The following PKLR variants were observed in gnomAD, a reference collection of about 807,000 sequenced individuals.
PKLR encodes the protein pyruvate kinase PKLR.
PKLR carries 38 observed loss-of-function variants against 53.6 expected under a neutral mutation model. The observed-to-expected ratio is 0.71, with a 90% CI of 0.55 to 0.93. The LOEUF (loss-of-function observed/expected upper bound fraction) is 0.93. Ranked by LOEUF, PKLR falls within the 40% of genes least tolerant of loss-of-function variation. PKLR has a pLI of 0.00. For missense variants in PKLR, 702 were observed against 787.3 expected (o/e 0.89, Z 1.30); for synonymous variants, 328 against 316.2 (o/e 1.04, Z -0.39).
At chr1:155,308,508 A>G in the PKLR span, 3 of 961,068 alleles carry the variant, frequency 3.1e-6, no homozygotes, top group East Asian at 1.1e-4. Context: ...GCCTAAAGTT[A>G]GAGAACTAAT....
rs1208414404 is a variant in PKLR, at chr1:155,289,417, G to A, written c.*1155C>T. 6.6e-6 allele frequency: 1 copy of A among 152,236 alleles called. No homozygotes were observed. The highest frequency in any genetic ancestry group is 1.5e-5 in the Non-Finnish European group (1 of 68,056). The allele number at this position is 152,236 out of a possible 1,614,324, so 9.4% of individuals were successfully genotyped here. On this transcript the variant is annotated 3_prime_UTR_variant, in exon 11 of 11. Coordinates refer to ENST00000342741, the MANE Select transcript of PKLR (RefSeq NM_000298.6). ...TAAGGAGACAGGAGGAGTAGGAGGAGGCAGGGCCTCTCCATGCCAGCCTCT... is the reference window on the plus strand; with the variant it reads ...TAAGGAGACAGGAGGAGTAGGAGGAAGCAGGGCCTCTCCATGCCAGCCTCT...
intron 2 of PKLR, among the ~76,000 whole-genome samples, chr1:155,296,056 C>T (rs1463051793): frequency 3.3e-5 from 5 of 152,280 alleles, no homozygotes; most frequent in Admixed American, 1.3e-4. Context: ...GCTGCTTGCC[C>T]GGCTACCCCA....
Position 155,291,754 on chromosome 1 carries a change from AC to A in PKLR, c.1618+1del, listed in dbSNP as rs760145987. The A allele has an allele frequency of 2.5e-6, 4 of 1,613,442 alleles. No individual in the cohort carries two copies. The highest frequency in any genetic ancestry group is 3.4e-6 in the Non-Finnish European group (4 of 1,179,396). ...GTGGCAGGGAAGGTCTAGGTAGCTC[AC>A]CACTTTCAATGCCAAATTGCACCCG... On this transcript the variant is annotated splice_donor_variant, in intron 10 of 10. Coordinates refer to ENST00000342741, the MANE Select transcript of PKLR (RefSeq NM_000298.6). LOFTEE classifies it high-confidence loss of function.
chr1:155,299,167 CTCTT>C (rs907028518), intron 2 of PKLR, among the ~76,000 whole-genome samples: 5 of 138,626 alleles, frequency 3.6e-5, no homozygotes, highest in Non-Finnish European at 4.7e-5. Flanking sequence ...CTTTCTCTCT[CTCTT>C]TCTTTCTTTC....
rs1647551634 is a variant in PKLR at position 155,295,726 on chromosome 1, T to C, written c.314A>G (p.Lys105Arg). 1 of 1,614,080 alleles carries C rather than the reference T, an allele frequency of 6.2e-7. No individual in the cohort carries two copies. Among genetic ancestry groups the C allele is most frequent in the South Asian group, 1.1e-5 (1 of 91,086 alleles). Residue 105 changes from lysine to arginine, a missense_variant, in exon 3 of 11, where the codon AAG (lysine) becomes AGG (arginine). Lys to Arg is a conservative substitution (Grantham distance 26). Transcript: ENST00000342741. This position sits in a 1 kb window ranked among gnomAD's most constrained non-coding sequence, Gnocchi z 4.3. The part of the protein sequence containing the change: ...GPASRSVERL[K>R]EMIKAGMNIA... ...GTTCATCCCGGCCTTGATCATCTCC[T>C]TGAGGCGCTCCACGGAGCGAGATGC...
the PKLR span, among the ~76,000 whole-genome samples, chr1:155,308,055 C>CTTTTTT: frequency 1.6e-5 from 2 of 123,798 alleles, no homozygotes; most frequent in Admixed American, 1.6e-4. Context: ...TGAGACTCAT[C>CTTTTTT]TTTTTTTTTT....
rs185441545 is a variant in PKLR at position 155,300,141 on chromosome 1, G to C, written c.240C>G (p.Ser80=). ...LEHLCLLDID[S]EPVAARSTSI... ...TGGTACTGCGAGCAGCCACGGGCTC[G>C]GAGTCAATGTCCAGTAGGCAGAGGT... The change falls in exon 2 of 11, where the codon TCC becomes TCG. Residue 80 remains serine (S), a synonymous_variant. Transcript: ENST00000342741. The C allele has an allele frequency of 2.5e-6, 4 of 1,613,978 alleles. No individual in the cohort carries two copies. Among genetic ancestry groups the C allele is most frequent in the Non-Finnish European group, 3.4e-6 (4 of 1,180,024 alleles).
At chr1:155,306,586 GC>G in the PKLR span, among the ~76,000 whole-genome samples, 1 of 152,080 alleles carries the variant, frequency 6.6e-6, no homozygotes, top group Non-Finnish European at 1.5e-5. The surrounding 1 kb of genome is among the most constrained non-coding windows in gnomAD (Gnocchi z 4.2). Context: ...CAGACGAGGT[GC>G]CCCCTGGTCA....
the PKLR span, among the ~76,000 whole-genome samples, chr1:155,307,407 C>T: frequency 2.0e-5 from 3 of 152,292 alleles, no homozygotes; most frequent in East Asian, 5.8e-4. Context: ...AGGCTGAGAC[C>T]TACTGGACTG....
At chr1:155,303,010 G>A (rs1648114563), upstream of PKLR, among the ~76,000 whole-genome samples, 1 of 152,198 alleles carries the variant, frequency 6.6e-6, no homozygotes, top group African/African-American at 2.4e-5. Flanking sequence ...ACAAGTGTGA[G>A]CCATAGTACT....
chr1:155,293,252 A>C lies in PKLR; in HGVS notation c.1361T>G (p.Val454Gly). Reference protein sequence around the residue: ...AAPLSRDPTEVTAIGAVEAAF... With the variant: ...AAPLSRDPTEGTAIGAVEAAF... The stretch of plus-strand genomic sequence containing the variant: ...AGCCTCCACAGCACCAATGGCGGTG[A>C]CCTCAGTGGGATCACGGCTTAGTGG... Residue 454 changes from valine to glycine, a missense_variant, in exon 9 of 11, where the codon GTC (valine) becomes GGC (glycine). By Grantham distance (109) the Val-to-Gly change is moderately radical. Transcript: ENST00000342741. This position sits in a 1 kb window ranked among gnomAD's most constrained non-coding sequence, Gnocchi z 4.2. The C allele has an allele frequency of 6.2e-7, 1 of 1,614,066 alleles. No individual in the cohort carries two copies. The highest frequency in any genetic ancestry group is 8.5e-7 in the Non-Finnish European group (1 of 1,180,016).
At chr1:155,298,762 C>T (rs1282103118) in intron 2 of PKLR, among the ~76,000 whole-genome samples, 1 of 152,174 alleles carries the variant, frequency 6.6e-6, no homozygotes, top group Non-Finnish European at 1.5e-5. Flanking sequence ...CTGCCTCAGC[C>T]TCCCGAGTAG....
intron 10 of PKLR, 147 bp from the exon 11 acceptor site, chr1:155,290,825 C>G: frequency 1.5e-6 from 1 of 656,370 alleles, no homozygotes. Context: ...CTTGTCTCTA[C>G]TGAAAATACA....
At chr1:155,302,623 C>T (rs565310283), upstream of PKLR, among the ~76,000 whole-genome samples, 5 of 152,066 alleles carry the variant, frequency 3.3e-5, no homozygotes, top group African/African-American at 7.2e-5. Context: ...CCACCAGCCT[C>T]GGCCTCTCAA....
rs757365657 is a variant in PKLR, at chr1:155,295,317, AGAG to A, written c.508-18_508-16del. 3 of 1,613,814 alleles carry A rather than the reference AGAG, an allele frequency of 1.9e-6. No homozygotes were observed. The highest frequency in any genetic ancestry group is 1.7e-6 in the Non-Finnish European group (2 of 1,179,866). On this transcript the variant is annotated splice_polypyrimidine_tract_variant and intron_variant, in intron 4 of 10. Coordinates refer to ENST00000342741, the MANE Select transcript of PKLR (RefSeq NM_000298.6). The surrounding 1 kb of genome is among the most constrained non-coding windows in gnomAD (Gnocchi z 4.3). ...GACTCTGGACCCTAAGGAGGGAGCCAGAGGAGATGTGAGTTCTGAGCCCCGGAG... is the reference window on the plus strand; with the variant it reads ...GACTCTGGACCCTAAGGAGGGAGCCAGAGATGTGAGTTCTGAGCCCCGGAG...
Position 155,293,364 on chromosome 1 carries a change from G to C in PKLR, c.1270-21C>G. On this transcript the variant is annotated intron_variant, in intron 8 of 10. Transcript: ENST00000342741. This position sits in a 1 kb window ranked among gnomAD's most constrained non-coding sequence, Gnocchi z 4.2. Reference sequence around the variant, plus strand: ...GCAATCTGCAGGTGCCAGAATGTTAGTCTGGGAAGGGGCACTGGGGTATGG... The same window carrying C: ...GCAATCTGCAGGTGCCAGAATGTTACTCTGGGAAGGGGCACTGGGGTATGG... 6.2e-7 allele frequency: 1 copy of C among 1,614,220 alleles called. No individual in the cohort carries two copies. Among genetic ancestry groups the C allele is most frequent in the Non-Finnish European group, 8.5e-7 (1 of 1,180,022 alleles).
In PKLR at chr1:155,295,889, C is replaced by A. The variant is rs373691002; in HGVS notation, c.284-133G>T. On this transcript the variant is annotated intron_variant, in intron 2 of 10. Coordinates refer to ENST00000342741, the MANE Select transcript of PKLR (RefSeq NM_000298.6). This position sits in a 1 kb window ranked among gnomAD's most constrained non-coding sequence, Gnocchi z 4.3. ...ACCTGATCTTTATTCCCTGATGCAACCCCTGCCCACAGATCACAGACTCCC... is the reference window on the plus strand; with the variant it reads ...ACCTGATCTTTATTCCCTGATGCAAACCCTGCCCACAGATCACAGACTCCC... The A allele has an allele frequency of 5.2e-5, 39 of 751,982 alleles. No individual in the cohort carries two copies. The Middle Eastern group carries it at 2.4e-3, about 46-fold the overall frequency. 46.6% of individuals were successfully genotyped at this position (751,982 alleles called of 1,614,324 possible).
Position 155,291,855 on chromosome 1 carries a change from G to A in PKLR, c.1519C>T (p.His507Tyr). Residue 507 changes from histidine (H) to tyrosine (Y), a missense_variant, in exon 10 of 11, where the codon CAC becomes TAC. By Grantham distance (83) the His-to-Tyr change is moderately conservative (BLOSUM62 2). Transcript: ENST00000342741. ...TRSAQAARQV[H>Y]LCRGVFPLLY... ...AAGGGGAAGACTCCTCGGCATAAGTGGACCTGGCGGGCAGCCTGGGCAGAG... is the reference window on the plus strand; with the variant it reads ...AAGGGGAAGACTCCTCGGCATAAGTAGACCTGGCGGGCAGCCTGGGCAGAG... 2.5e-6 allele frequency: 4 copies of A among 1,614,080 alleles called. No homozygotes were observed. The highest frequency in any genetic ancestry group is 1.7e-5 in the Admixed American group (1 of 60,026).
Position 155,300,268 on chromosome 1 carries a change from T to C in PKLR, c.113A>G (p.Tyr38Cys). ...LIGAPGGPAG[Y>C]LRRASVAQLT... Reference sequence around the variant, plus strand: ...TTGGGCCACACTGGCCCGCCGCAGATACCCCGCTGGCCCTGTGGTAGAAGG... The same window carrying C: ...TTGGGCCACACTGGCCCGCCGCAGACACCCCGCTGGCCCTGTGGTAGAAGG... The change falls in exon 2 of 11, where the codon TAT (tyrosine) becomes TGT (cysteine). Residue 38 changes from tyrosine (Y) to cysteine (C), a missense_variant. By Grantham distance (194) the Tyr-to-Cys change is radical. Coordinates refer to ENST00000342741, the MANE Select transcript of PKLR (RefSeq NM_000298.6). 6.3e-7 allele frequency: 1 copy of C among 1,594,336 alleles called. No individual in the cohort carries two copies. Among genetic ancestry groups the C allele is most frequent in the Non-Finnish European group, 8.5e-7 (1 of 1,170,732 alleles).
Sources: gnomAD v4.1 joint callset for allele counts (sites outside exome capture counted in the v4.1 genomes callset) on GRCh38, gnomAD v4.1.1 for gene constraint, Gnocchi (gnomAD v3.1) non-coding constraint, MANE v1.5 for transcripts, NCBI Gene and HGNC (gene_info 2026-07-23, HGNC 2026-07-21) for gene names.